GLCE: variants seen among roughly 807,000 people sequenced by gnomAD.
GLCE encodes the protein glucuronic acid epimerase, also known as D-glucuronyl C5-epimerase.
GLCE carries 19 observed loss-of-function variants against 47.9 expected under a neutral mutation model. The observed-to-expected ratio is 0.40, with a 90% CI of 0.28 to 0.58. The LOEUF (loss-of-function observed/expected upper bound fraction) is 0.58, where lower values mean the gene tolerates loss of function less well. Among genes scored for constraint, GLCE ranks in the 20% least tolerant of loss-of-function variants. The probability of loss-of-function intolerance (pLI) is 0.48; values close to 1 mark genes in which losing one functional copy is unlikely to be tolerated. For missense variants in GLCE, 556 were observed against 743.3 expected, an observed-to-expected ratio of 0.75 and a Z score of 2.93; for synonymous variants, 245 against 263.4, an observed-to-expected ratio of 0.93 and a Z score of 0.68.
chr15:69,260,252 GTTTTT>G (rs34911776), intron 3 of GLCE, among the ~76,000 whole-genome samples: 2 of 79,248 alleles, frequency 2.5e-5, no homozygotes, highest in East Asian at 8.4e-4. Flanking sequence ...GTCACAACTG[GTTTTT>G]TTTTTTTTTT....
chr15:69,198,253 AC>A (rs1448861345), intron 1 of GLCE, among the ~76,000 whole-genome samples: 1 of 152,132 alleles, frequency 6.6e-6, no homozygotes, highest in Non-Finnish European at 1.5e-5. Context: ...TTATTACTCA[AC>A]TATTGGTTCT....
intron 2 of GLCE, among the ~76,000 whole-genome samples, chr15:69,242,816 A>G (rs1044332079): frequency 4.6e-5 from 7 of 151,988 alleles, no homozygotes; most frequent in Non-Finnish European, 7.4e-5. Flanking sequence ...AAGCCGAGGC[A>G]GGGGGTGTTG....
At chr15:69,191,001 A>G (rs1008897560) in intron 1 of GLCE, among the ~76,000 whole-genome samples, 2 of 152,164 alleles carry the variant, frequency 1.3e-5, no homozygotes, top group African/African-American at 4.8e-5. Context: ...CCTACACATT[A>G]TATTATACAA....
intron 2 of GLCE, among the ~76,000 whole-genome samples, chr15:69,226,462 T>C (rs2052448889): frequency 6.6e-6 from 1 of 152,208 alleles, no homozygotes; most frequent in Admixed American, 6.5e-5. Context: ...AGAAATATTA[T>C]AGTCAATTAG....
chr15:69,177,546 G>T (rs1035873492), intron 1 of GLCE, among the ~76,000 whole-genome samples: 34 of 152,258 alleles, frequency 2.2e-4, no homozygotes, highest in Admixed American at 1.9e-3. Context: ...ATATACCTGT[G>T]AAATCATTAC....
intron 1 of GLCE, among the ~76,000 whole-genome samples, chr15:69,188,731 G>GTCTT (rs997974866): frequency 1.3e-5 from 2 of 151,950 alleles, no homozygotes; most frequent in African/African-American, 4.8e-5. Flanking sequence ...TTTAATGTCT[G>GTCTT]TCTTTAATTT....
At chr15:69,228,650 C>G (rs887510507) in intron 2 of GLCE, among the ~76,000 whole-genome samples, 1 of 152,148 alleles carries the variant, frequency 6.6e-6, no homozygotes, top group Non-Finnish European at 1.5e-5. Context: ...TTTAAATATT[C>G]TAGTAAAAGA....
At chr15:69,232,570 T>C (rs1452158330) in intron 2 of GLCE, among the ~76,000 whole-genome samples, 1 of 152,212 alleles carries the variant, frequency 6.6e-6, no homozygotes, top group South Asian at 2.1e-4. Flanking sequence ...GTCTAAAATA[T>C]TTCAAGTACT....
chr15:69,244,207 TAAGCC>T (rs1191607298), intron 2 of GLCE, among the ~76,000 whole-genome samples: 1 of 152,222 alleles, frequency 6.6e-6, no homozygotes, highest in African/African-American at 2.4e-5. Flanking sequence ...TTAATTATTC[TAAGCC>T]ACCTGGGGAC....
chr15:69,249,831 T>C (rs1305143398), intron 2 of GLCE, among the ~76,000 whole-genome samples: 1 of 152,166 alleles, frequency 6.6e-6, no homozygotes, highest in Non-Finnish European at 1.5e-5. Context: ...AGAAAAGATG[T>C]TTGAATTGCA....
In GLCE at chr15:69,196,014, G is replaced by A. The variant is rs570290503; in HGVS notation, c.-104-14302G>A. On this transcript the variant is annotated intron_variant, in intron 1 of 4. Coordinates refer to ENST00000261858, the MANE Select transcript of GLCE (RefSeq NM_015554.3). ...CTGTATCAGATAGCAAAATAAAGGA[G>A]GGAAAGGGGATGGGGGAGTGTTGGA... Among the ~76,000 whole-genome samples, 3 of 152,234 alleles carry A rather than the reference G, an allele frequency of 2.0e-5. No homozygotes were observed. The East Asian group carries it at 5.8e-4, about 29-fold the overall frequency.
intron 3 of GLCE, among the ~76,000 whole-genome samples, chr15:69,256,616 A>G (rs566989629): frequency 2.6e-5 from 4 of 152,322 alleles, no homozygotes; most frequent in East Asian, 3.9e-4. Flanking sequence ...GAATTATTTT[A>G]TTAACGTAAC....
chr15:69,167,824 T>TG (rs1491281629), intron 1 of GLCE, among the ~76,000 whole-genome samples: 5 of 97,940 alleles, frequency 5.1e-5, no homozygotes, highest in East Asian at 2.9e-4. Flanking sequence ...TTGGGAAAAG[T>TG]TTTTTTTTTT....
At chr15:69,206,469 ATGTTAT>A (rs1348094427) in intron 1 of GLCE, among the ~76,000 whole-genome samples, 1 of 152,068 alleles carries the variant, frequency 6.6e-6, no homozygotes, top group South Asian at 2.1e-4. Context: ...GTATATCTAT[ATGTTAT>A]TAAGTTTTCT....
intron 1 of GLCE, among the ~76,000 whole-genome samples, chr15:69,195,357 A>G (rs1199241626): frequency 1.3e-5 from 2 of 152,124 alleles, no homozygotes. Context: ...GAAGTAAAAA[A>G]ATACGTATAT....
intron 1 of GLCE, among the ~76,000 whole-genome samples, chr15:69,165,611 C>T (rs1019794229): frequency 1.3e-5 from 2 of 151,036 alleles, no homozygotes; most frequent in Non-Finnish European, 2.9e-5. Context: ...TCTTCCCAAC[C>T]CTAGGTGTTA....
chr15:69,180,036 G>C (rs542127179), intron 1 of GLCE, among the ~76,000 whole-genome samples: 6 of 152,250 alleles, frequency 3.9e-5, no homozygotes, highest in Non-Finnish European at 5.9e-5. Flanking sequence ...ATTGCTTTGA[G>C]AGTTATGAGT....
At chr15:69,204,449 ATT>A in intron 1 of GLCE, among the ~76,000 whole-genome samples, 1 of 151,416 alleles carries the variant, frequency 6.6e-6, no homozygotes, top group East Asian at 1.9e-4. Context: ...CACCCAGCTA[ATT>A]TTTTTGTATT....
chr15:69,200,187 T>C (rs1253233535), intron 1 of GLCE, among the ~76,000 whole-genome samples: 1 of 152,158 alleles, frequency 6.6e-6, no homozygotes, highest in Non-Finnish European at 1.5e-5. Context: ...TGGCATGCTC[T>C]GCTGTTGTTT....
Sources: allele counts gnomAD v4.1 joint callset (sites outside exome capture counted in the v4.1 genomes callset), GRCh38; gene constraint gnomAD v4.1.1; transcripts MANE v1.5; gene names NCBI Gene and HGNC (gene_info 2026-07-23, HGNC 2026-07-21).